The following MAP2K6 variants were observed in gnomAD, a reference collection of about 807,000 sequenced individuals.
MAP2K6 encodes dual specificity mitogen-activated protein kinase kinase 6.
A neutral mutation model predicts 53.7 loss-of-function variants in MAP2K6; 16 were observed. The observed-to-expected ratio is 0.30, with a 90% CI of 0.20 to 0.45. MAP2K6 has a LOEUF of 0.45. Among genes scored for constraint, MAP2K6 ranks in the 20% least tolerant of loss-of-function variants. The pLI is 1.00. For missense variants in MAP2K6, 204 were observed against 411.9 expected (o/e 0.50, Z 4.37); for synonymous variants, 132 against 143.1 (o/e 0.92, Z 0.55).
chr17:69,541,386 T>G (rs1394837175), intron 11 of MAP2K6, among the ~76,000 whole-genome samples: 1 of 152,236 alleles, frequency 6.6e-6, no homozygotes, highest in Non-Finnish European at 1.5e-5. Flanking sequence ...TTTGTCAATC[T>G]TTGTATTTTG....
chr17:69,479,302 A>C (rs955920682), intron 1 of MAP2K6, among the ~76,000 whole-genome samples: 4 of 152,178 alleles, frequency 2.6e-5, no homozygotes, highest in African/African-American at 9.7e-5. Flanking sequence ...AAAGCTCCAA[A>C]ATGTGAAACT....
intron 10 of MAP2K6, 29 bp downstream of exon 10, chr17:69,526,738 G>T (rs747340497): frequency 6.2e-7 from 1 of 1,603,436 alleles, no homozygotes; most frequent in East Asian, 2.2e-5. Context: ...CCAAGTGTCA[G>T]TGTGAAAGAA....
chr17:69,458,763 C>T (rs1362943268), intron 1 of MAP2K6, among the ~76,000 whole-genome samples: 3 of 152,174 alleles, frequency 2.0e-5, no homozygotes, highest in African/African-American at 7.2e-5. Context: ...GTGGCCTTTT[C>T]TAGTAATTGT....
rs10610258 is a variant in MAP2K6, at chr17:69,436,019, TAAA to T, written c.16+21031_16+21033del. The stretch of plus-strand genomic sequence containing the variant: ...CCAATCATTTGGAATCGATTTAAAA[TAAA>T]AAAAAAAAAAACAAATGTGCTGCCA... On this transcript the variant is annotated intron_variant, in intron 1 of 11. Transcript: ENST00000590474. Among the ~76,000 whole-genome samples the T allele has an allele frequency of 4.8e-3, 698 of 144,804 alleles. 5 individuals carry two copies. The highest frequency in any genetic ancestry group is 0.015 in the African/African-American group (613 of 40,548). 95.0% of individuals were successfully genotyped at this position (144,804 alleles called of 152,430 possible).
intron 1 of MAP2K6, among the ~76,000 whole-genome samples, chr17:69,470,037 A>G (rs1245069245): frequency 6.6e-6 from 1 of 151,908 alleles, no homozygotes; most frequent in Non-Finnish European, 1.5e-5. Flanking sequence ...CCCCATCTCT[A>G]CAAAAAAAAT....
rs1444979995 is a variant in MAP2K6, at chr17:69,494,508, A to G, written c.17-11272A>G. Among the ~76,000 whole-genome samples the G allele has an allele frequency of 6.6e-6, 1 of 151,746 alleles. No homozygotes were observed. Among genetic ancestry groups the G allele is most frequent in the Non-Finnish European group, 1.5e-5 (1 of 67,912 alleles). On this transcript the variant is annotated intron_variant, in intron 1 of 11. Coordinates refer to ENST00000590474, the MANE Select transcript of MAP2K6 (RefSeq NM_002758.4). The surrounding 1 kb of genome is among the most constrained non-coding windows in gnomAD (Gnocchi z 4.2). ...GTGAGACTCTGTCTTTAAAAAAAAA[A>G]AGAAAGGAAAAAACAAAATGAATGG... is the stretch of plus-strand genomic sequence containing the variant.
chr17:69,468,298 TA>T (rs1020705514), intron 1 of MAP2K6, among the ~76,000 whole-genome samples: 1 of 152,182 alleles, frequency 6.6e-6, no homozygotes, highest in African/African-American at 2.4e-5. Flanking sequence ...ATCTCTCAAT[TA>T]GTTTTCCTGA....
At chr17:69,495,406 T>C (rs1047644857) in intron 1 of MAP2K6, among the ~76,000 whole-genome samples, 2 of 151,852 alleles carry the variant, frequency 1.3e-5, no homozygotes, top group African/African-American at 4.8e-5. Context: ...CAGCTAATTG[T>C]TGTATTTTTA....
chr17:69,470,554 AGAAGG>A (rs1907954920), intron 1 of MAP2K6, among the ~76,000 whole-genome samples: 1 of 152,238 alleles, frequency 6.6e-6, no homozygotes, highest in African/African-American at 2.4e-5. Context: ...CCTTGTGTAT[AGAAGG>A]GAAGATGGAG....
intron 1 of MAP2K6, among the ~76,000 whole-genome samples, chr17:69,495,219 A>T (rs559893712): frequency 6.6e-6 from 1 of 151,014 alleles, no homozygotes; most frequent in East Asian, 1.9e-4. Context: ...ATATTGGTAA[A>T]TTTCGTTTTA....
chr17:69,499,565 TTTTG>T (rs1226055892), intron 1 of MAP2K6, among the ~76,000 whole-genome samples: 27 of 152,354 alleles, frequency 1.8e-4, no homozygotes, highest in East Asian at 1.2e-3. Flanking sequence ...TGGTTGTTCA[TTTTG>T]TTTGTTTGTT....
rs78253211 is a variant in MAP2K6 at position 69,525,541 on chromosome 17, C to T, written c.741+563C>T. Among the ~76,000 whole-genome samples, 5 of 152,274 alleles carry T rather than the reference C, an allele frequency of 3.3e-5. No individual in the cohort carries two copies. The East Asian group carries it at 9.7e-4, about 29-fold the overall frequency. ...AAAGAGGTTTAATGGACTCACAGTT[C>T]CATGCAGCTGGGGAGGCCTCACGAT... On this transcript the variant is annotated intron_variant, in intron 9 of 11. Coordinates refer to ENST00000590474, the MANE Select transcript of MAP2K6 (RefSeq NM_002758.4).
intron 1 of MAP2K6, among the ~76,000 whole-genome samples, chr17:69,489,290 GTA>G (rs1266926387): frequency 6.6e-6 from 1 of 151,632 alleles, no homozygotes; most frequent in Non-Finnish European, 1.5e-5. Context: ...AGGTTACAGT[GTA>G]TATGAGACTA....
chr17:69,465,623 CTTTTTTTTTTTTT>C (rs1907771350), intron 1 of MAP2K6, among the ~76,000 whole-genome samples: 1 of 144,240 alleles, frequency 6.9e-6, no homozygotes, highest in South Asian at 2.2e-4. Flanking sequence ...TTGTTTTTTT[CTTTTTTTTTTTTT>C]GAAACAAAGT....
intron 1 of MAP2K6, among the ~76,000 whole-genome samples, chr17:69,441,091 T>C (rs1889810433): frequency 1.3e-5 from 2 of 152,302 alleles, no homozygotes; most frequent in East Asian, 1.9e-4. Flanking sequence ...AGTAAACATA[T>C]GGCATTATAC....
At chr17:69,492,780 TTCTCA>T (rs1009637438) in intron 1 of MAP2K6, among the ~76,000 whole-genome samples, 15 of 139,892 alleles carry the variant, frequency 1.1e-4, no homozygotes, top group African/African-American at 4.7e-4. Context: ...TAGGCTCATC[TTCTCA>T]TCTCAAAAGC....
At chr17:69,534,582 T>G (rs1385877736) in intron 10 of MAP2K6, among the ~76,000 whole-genome samples, 3 of 152,072 alleles carry the variant, frequency 2.0e-5, no homozygotes, top group Non-Finnish European at 2.9e-5. Flanking sequence ...TTTTTAATTT[T>G]ATTTCGTTTT....
At chr17:69,471,966 G>A (rs188190256) in intron 1 of MAP2K6, among the ~76,000 whole-genome samples, 101 of 152,208 alleles carry the variant, frequency 6.6e-4, no homozygotes, top group Non-Finnish European at 1.0e-3. Flanking sequence ...TCTTCCCCGC[G>A]GGGATGTCCT....
intron 10 of MAP2K6, among the ~76,000 whole-genome samples, chr17:69,535,500 A>G (rs1357363352): frequency 6.6e-6 from 1 of 152,080 alleles, no homozygotes; most frequent in Non-Finnish European, 1.5e-5. Flanking sequence ...CTGAGGCAGG[A>G]AGATCACCTG....
Sources: allele counts gnomAD v4.1 joint callset (sites outside exome capture counted in the v4.1 genomes callset), GRCh38; gene constraint gnomAD v4.1.1; non-coding constraint Gnocchi (gnomAD v3.1); transcripts MANE v1.5; gene names NCBI Gene and HGNC (gene_info 2026-07-23, HGNC 2026-07-21).